UTRN: variants seen among roughly 807,000 people sequenced by gnomAD.
The protein encoded by UTRN is utrophin.
In UTRN, 283 loss-of-function variants were observed where a neutral mutation model predicts 463.9. The observed-to-expected ratio is 0.61, with a 90% confidence interval of 0.55 to 0.67. The LOEUF is 0.67. UTRN is among the 30% of genes least tolerant of loss of function. UTRN has a pLI of 0.00. For missense variants in UTRN, 3,922 were observed against 4,084.3 expected (o/e 0.96, Z 1.08); for synonymous variants, 1,442 against 1,431.5 (o/e 1.01, Z -0.17).
intron 2 of UTRN, among the ~76,000 whole-genome samples, chr6:144,306,039 C>CAG (rs1805707697): frequency 6.6e-6 from 1 of 152,198 alleles, no homozygotes; most frequent in Admixed American, 6.5e-5. Flanking sequence ...AACTACTTCC[C>CAG]TGACACATAC....
chr6:144,301,536 CTTTTTTT>C (rs200484231), intron 2 of UTRN, among the ~76,000 whole-genome samples: 32 of 92,762 alleles, frequency 3.4e-4, no homozygotes, highest in African/African-American at 6.5e-4. Context: ...TTCTTTCTTT[CTTTTTTT>C]TTTTTTTTTT....
Position 144,286,706 on chromosome 6 carries a change from C to T in UTRN, c.-93+885C>T, listed in dbSNP as rs1402178638. On this transcript the variant is annotated intron_variant, in intron 1 of 74. Transcript: ENST00000367545. This position sits in a 1 kb window ranked among gnomAD's most constrained non-coding sequence, Gnocchi z 4.4. ...GTTCAAAGGATTTTTTCCTCCAAGC[C>T]TCAGATTATGAAAGGGACTCATTCC... is the stretch of plus-strand genomic sequence containing the variant. Among the ~76,000 whole-genome samples the T allele has an allele frequency of 6.6e-6, 1 of 152,032 alleles. No individual in the cohort carries two copies. The highest frequency in any genetic ancestry group is 1.9e-4 in the East Asian group (1 of 5,176).
chr6:144,740,076 A>G lies in UTRN; in HGVS notation c.7940-8170A>G, dbSNP rs544084409. Reference sequence around the variant, plus strand: ...CTTGAAGGGTGAATACTTACCACCCATTCTACAGATGAGGAAACTGAGAGT... The same window carrying G: ...CTTGAAGGGTGAATACTTACCACCCGTTCTACAGATGAGGAAACTGAGAGT... On this transcript the variant is annotated intron_variant, in intron 54 of 74. Transcript: ENST00000367545. 1.7e-3 allele frequency among the ~76,000 whole-genome samples: 257 copies of G among 152,312 alleles called. 1 individual carries two copies. Among genetic ancestry groups the G allele is most frequent in the African/African-American group, 5.7e-3 (239 of 41,570 alleles).
chr6:144,819,860 C>A (rs992439668), intron 65 of UTRN, among the ~76,000 whole-genome samples: 8 of 145,820 alleles, frequency 5.5e-5, no homozygotes, highest in African/African-American at 1.1e-4. Flanking sequence ...CTCCTTCTCC[C>A]CTTCTCCTCC....
At chr6:144,437,806 T>G in intron 11 of UTRN, 60 bp downstream of exon 11, 97 of 1,502,408 alleles carry the variant, frequency 6.5e-5, no homozygotes, top group Non-Finnish European at 7.8e-5. Flanking sequence ...AGTTGAGCTC[T>G]AGTAGATGTC....
Position 144,690,074 on chromosome 6 carries a change from G to GTTTTTTTT in UTRN, c.7653-9998_7653-9991dup, listed in dbSNP as rs1554339291. 2.6e-3 allele frequency among the ~76,000 whole-genome samples: 80 copies of GTTTTTTTT among 31,254 alleles called. 23 individuals carry two copies. Among genetic ancestry groups the GTTTTTTTT allele is most frequent in the East Asian group, 6.8e-3 (3 of 444 alleles). The allele number at this position is 31,254 out of a possible 152,430, so 20.5% of individuals were successfully genotyped here. The stretch of plus-strand genomic sequence containing the variant: ...GGCCATAGAGCTCCCAAAAGTTTCT[G>GTTTTTTTT]TTTTTTTTTTTTTTTTTTTTTTGTG... On this transcript the variant is annotated intron_variant, in intron 52 of 74. Coordinates refer to ENST00000367545, the MANE Select transcript of UTRN (RefSeq NM_007124.3).
chr6:144,779,948 TAAA>T (rs35161598), intron 60 of UTRN, among the ~76,000 whole-genome samples: 1 of 146,472 alleles, frequency 6.8e-6, no homozygotes, highest in African/African-American at 2.5e-5. Flanking sequence ...TTTATCTCTT[TAAA>T]AAAAAAAAAA....
intron 58 of UTRN, among the ~76,000 whole-genome samples, chr6:144,770,215 A>G (rs898483443): frequency 6.6e-6 from 1 of 152,214 alleles, no homozygotes; most frequent in Non-Finnish European, 1.5e-5. Flanking sequence ...TTTCCAGGAT[A>G]CATACCCAAT....
intron 2 of UTRN, among the ~76,000 whole-genome samples, chr6:144,364,112 C>T (rs1427054086): frequency 6.6e-6 from 1 of 152,156 alleles, no homozygotes; most frequent in Non-Finnish European, 1.5e-5. Flanking sequence ...AATATCTGGG[C>T]TCTGTTGATG....
At chr6:144,645,902 A>C (rs1442067335) in intron 51 of UTRN, among the ~76,000 whole-genome samples, 1 of 152,182 alleles carries the variant, frequency 6.6e-6, no homozygotes. Context: ...AATGGTATTC[A>C]GTGGTCCATC....
intron 3 of UTRN, among the ~76,000 whole-genome samples, chr6:144,403,548 A>C (rs1273174374): frequency 1.3e-5 from 2 of 152,162 alleles, no homozygotes; most frequent in Non-Finnish European, 2.9e-5. Flanking sequence ...TTAAAACCAA[A>C]TGTTATAATT....
Position 144,462,884 on chromosome 6 carries a change from T to C in UTRN, c.3066+18T>C, listed in dbSNP as rs748875563. 1 of 1,582,074 alleles carries C rather than the reference T, an allele frequency of 6.3e-7. No homozygotes were observed. Among genetic ancestry groups the C allele is most frequent in the Admixed American group, 1.9e-5 (1 of 52,262 alleles). On this transcript the variant is annotated intron_variant, in intron 23 of 74. Coordinates refer to ENST00000367545, the MANE Select transcript of UTRN (RefSeq NM_007124.3). Reference sequence around the variant, plus strand: ...CTTTTGAGGTAAATCCAGAGGCCACTGGGAGTTTAAGTTTATTACGGGGTA... The same window carrying C: ...CTTTTGAGGTAAATCCAGAGGCCACCGGGAGTTTAAGTTTATTACGGGGTA...
At chr6:144,802,670 A>G (rs765323132) in intron 64 of UTRN, among the ~76,000 whole-genome samples, 6 of 152,006 alleles carry the variant, frequency 3.9e-5, no homozygotes, top group Non-Finnish European at 8.8e-5. Flanking sequence ...TTTTTTTTCT[A>G]GTGACTAATT....
At chr6:144,660,056 G>T in intron 51 of UTRN, 1 of 359,760 alleles carries the variant, frequency 2.8e-6, no homozygotes, top group Non-Finnish European at 5.7e-6. Flanking sequence ...AAATGTCCCA[G>T]CGCAAGCTGC....
intron 2 of UTRN, among the ~76,000 whole-genome samples, chr6:144,399,635 A>G (rs1782761555): frequency 6.6e-6 from 1 of 152,206 alleles, no homozygotes; most frequent in African/African-American, 2.4e-5. Flanking sequence ...CAAATGGTGT[A>G]CTAGAGGATA....
intron 53 of UTRN, among the ~76,000 whole-genome samples, chr6:144,726,516 A>G (rs1787899668): frequency 6.6e-6 from 1 of 152,216 alleles, no homozygotes; most frequent in African/African-American, 2.4e-5. Context: ...ACCATGCTGA[A>G]CAAAAACAGA....
At chr6:144,436,248 T>C in intron 10 of UTRN, 110 bp downstream of exon 10, 2 of 1,154,932 alleles carry the variant, frequency 1.7e-6, no homozygotes, top group East Asian at 2.4e-5. Flanking sequence ...TTTGGAAAGG[T>C]CAATGGTTTA....
intron 51 of UTRN, among the ~76,000 whole-genome samples, chr6:144,582,324 A>C (rs1057104342): frequency 6.6e-6 from 1 of 152,304 alleles, no homozygotes; most frequent in Middle Eastern, 3.4e-3. Flanking sequence ...AATGAGCAAC[A>C]TCTGGGTTCT....
At chr6:144,771,771 G>A (rs1191286447) in intron 58 of UTRN, 136 bp from the exon 59 acceptor site, 8 of 640,958 alleles carry the variant, frequency 1.2e-5, no homozygotes, top group Middle Eastern at 4.5e-4. Flanking sequence ...TTTCTGAATG[G>A]TTGATAATGA....
Sources: gnomAD v4.1 joint callset for allele counts (sites outside exome capture counted in the v4.1 genomes callset) on GRCh38, gnomAD v4.1.1 for gene constraint, Gnocchi (gnomAD v3.1) non-coding constraint, MANE v1.5 for transcripts, NCBI Gene and HGNC (gene_info 2026-07-23, HGNC 2026-07-21) for gene names.